ZNF329: variants seen among roughly 807,000 people sequenced by gnomAD.
The protein encoded by ZNF329 is zinc finger protein 329.
A neutral mutation model predicts 26.6 loss-of-function variants in ZNF329; 15 were observed. The observed-to-expected ratio is 0.56, with a 90% CI of 0.38 to 0.87. ZNF329 has a LOEUF of 0.87. Among genes scored for constraint, ZNF329 ranks in the 40% least tolerant of loss-of-function variants. The pLI is 0.00. For synonymous variants in ZNF329, 239 were observed against 233.5 expected, an observed-to-expected ratio of 1.02 and a Z score of -0.21; for missense variants, 651 against 651.9, an observed-to-expected ratio of 1.00 and a Z score of 0.02.
In ZNF329 at chr19:58,130,371, T is replaced by C. The variant is rs78795309; in HGVS notation, c.-8-860A>G. 3.3e-5 allele frequency among the ~76,000 whole-genome samples: 5 copies of C among 150,958 alleles called. No homozygotes were observed. In the East Asian group the frequency reaches 9.9e-4, roughly 30 times the overall value. On this transcript the variant is annotated intron_variant, in intron 3 of 3. Coordinates refer to ENST00000598312, the MANE Select transcript of ZNF329 (RefSeq NM_024620.4). ...TGTCAAAGACTGCCCTGCATGGTTGTTATAAAAACTGGATCATGTCGGCCA... is the reference window on the plus strand; with the variant it reads ...TGTCAAAGACTGCCCTGCATGGTTGCTATAAAAACTGGATCATGTCGGCCA...
rs769691352 is a variant in ZNF329 at position 58,128,632 on chromosome 19, T to A, written c.872A>T (p.Glu291Val). The A allele has an allele frequency of 2.1e-5, 34 of 1,607,214 alleles. No individual in the cohort carries two copies. Among genetic ancestry groups the A allele is most frequent in the Non-Finnish European group, 2.7e-5 (32 of 1,176,538 alleles). The change falls in exon 4 of 4, where the codon GAG (glutamate) becomes GTG (valine). Residue 291 changes from glutamate to valine, a missense_variant. Glu to Val is a moderately radical substitution (Grantham distance 121). Coordinates refer to ENST00000598312, the MANE Select transcript of ZNF329 (RefSeq NM_024620.4). ...HTGEKPYECL[E>V]CGKTFNRNSS... ...ATTTCGGTTGAAGGTTTTTCCACAC[T>A]CTAGGCATTCATAAGGTTTCTCGCC...
chr19:58,131,662 A>C (rs2074946873), intron 3 of ZNF329, among the ~76,000 whole-genome samples: 1 of 152,148 alleles, frequency 6.6e-6, no homozygotes, highest in South Asian at 2.1e-4. Flanking sequence ...CTTACAGAAC[A>C]GCACATAAAA....
At chr19:58,133,157 G>C (rs78272579) in intron 3 of ZNF329, among the ~76,000 whole-genome samples, 3,380 of 152,258 alleles carry the variant, frequency 0.022, 122 homozygotes, top group African/African-American at 0.077. Flanking sequence ...AACCACCAGT[G>C]AATGACGAAA....
chr19:58,138,049 T>A (rs2075111302), intron 3 of ZNF329, among the ~76,000 whole-genome samples: 1 of 152,204 alleles, frequency 6.6e-6, no homozygotes. Context: ...GACAGGGGTT[T>A]AACTAACAGT....
intron 3 of ZNF329, among the ~76,000 whole-genome samples, chr19:58,133,016 G>C (rs2074982722): frequency 6.6e-6 from 1 of 152,074 alleles, no homozygotes; most frequent in Non-Finnish European, 1.5e-5. Flanking sequence ...GTTTCACTAT[G>C]TTAGCCAGGA....
At chr19:58,131,666 C>T (rs2074946931) in intron 3 of ZNF329, among the ~76,000 whole-genome samples, 1 of 151,858 alleles carries the variant, frequency 6.6e-6, no homozygotes, top group South Asian at 2.1e-4. Context: ...CAGAACAGCA[C>T]ATAAAAAGAA....
At chr19:58,135,322 G>A (rs975713932) in intron 3 of ZNF329, among the ~76,000 whole-genome samples, 6 of 151,978 alleles carry the variant, frequency 3.9e-5, no homozygotes, top group Non-Finnish European at 5.9e-5. Flanking sequence ...CAAGGCTAGA[G>A]TGCAGTGGCA....
chr19:58,146,602 C>A (rs2075315382), intron 1 of ZNF329, among the ~76,000 whole-genome samples: 1 of 151,664 alleles, frequency 6.6e-6, no homozygotes, highest in Admixed American at 6.6e-5. Flanking sequence ...TGATGCCGAG[C>A]CGAAGCTGGA....
intron 3 of ZNF329, chr19:58,136,748 G>C (rs2075079203): frequency 6.8e-6 from 1 of 147,534 alleles, no homozygotes; most frequent in African/African-American, 2.5e-5. Context: ...TGAAGCTACA[G>C]ATGGCAGCAA....
At chr19:58,136,874 G>A (rs76729059) in intron 3 of ZNF329, 2,849 of 172,128 alleles carry the variant, frequency 0.017, 82 homozygotes, top group African/African-American at 0.063. Context: ...TGTGGGTAAC[G>A]CATGGTGCCC....
intron 3 of ZNF329, chr19:58,132,095 T>C (rs1277249981): frequency 6.6e-6 from 1 of 150,566 alleles, no homozygotes; most frequent in East Asian, 1.9e-4. Flanking sequence ...CATTCTATCA[T>C]TCAGGCAATT....
intron 3 of ZNF329, among the ~76,000 whole-genome samples, chr19:58,131,480 A>G (rs2074942470): frequency 6.6e-6 from 1 of 152,214 alleles, no homozygotes; most frequent in Non-Finnish European, 1.5e-5. Context: ...CAGCATTCAA[A>G]TTTTCCATCC....
rs1407274018 is a variant in ZNF329, at chr19:58,127,223, G to A, written c.*655C>T. ...ATTACACTTAAAAAAGGTTGATTCA[G>A]GCCAGGCAGTGTCTCATGCCTGTAA... On this transcript the variant is annotated 3_prime_UTR_variant, in exon 4 of 4. Coordinates refer to ENST00000598312, the MANE Select transcript of ZNF329 (RefSeq NM_024620.4). The A allele has an allele frequency of 6.6e-6, 1 of 152,168 alleles. No individual in the cohort carries two copies. Among genetic ancestry groups the A allele is most frequent in the Admixed American group, 6.5e-5 (1 of 15,276 alleles). 9.4% of individuals were successfully genotyped at this position (152,168 alleles called of 1,614,324 possible). A position where few individuals can be genotyped will look rare whatever the true frequency, so the allele number is the denominator to read the frequency against.
In ZNF329 at chr19:58,144,537, G is replaced by A. The variant is rs373595686; in HGVS notation, c.-207-1339C>T. On this transcript the variant is annotated intron_variant, in intron 1 of 3. Transcript: ENST00000598312. ...CGAGTAGTTGGGATTACAGGCACGC[G>A]TCACCACACTCGGCTAATTGTTTAT... 3.1e-4 allele frequency among the ~76,000 whole-genome samples: 47 copies of A among 151,790 alleles called. No individual in the cohort carries two copies. In the East Asian group the frequency reaches 3.7e-3, roughly 12 times the overall value.
chr19:58,136,699 A>T (rs905744138), intron 3 of ZNF329: 1 of 128,550 alleles, frequency 7.8e-6, no homozygotes, highest in Non-Finnish European at 1.8e-5. Flanking sequence ...AAAAAAAAAA[A>T]AAAAAAAAAG....
chr19:58,149,693 C>T (rs771702047), intron 1 of ZNF329, among the ~76,000 whole-genome samples: 39 of 152,086 alleles, frequency 2.6e-4, no homozygotes, highest in Non-Finnish European at 4.9e-4. Context: ...CTTCAACAAG[C>T]CCAAGTTCCT....
intron 3 of ZNF329, among the ~76,000 whole-genome samples, chr19:58,137,828 A>T (rs2075106506): frequency 1.3e-5 from 2 of 148,958 alleles, no homozygotes; most frequent in South Asian, 4.2e-4. Context: ...AAAAAAAAAA[A>T]AAAAGCCAGG....
chr19:58,148,670 T>C (rs540299900), intron 1 of ZNF329, among the ~76,000 whole-genome samples: 4 of 152,220 alleles, frequency 2.6e-5, no homozygotes, highest in African/African-American at 9.6e-5. Context: ...CTGGGCAACA[T>C]AGTGAGATCT....
At chr19:58,144,378 A>ATCTT (rs1330912507) in intron 1 of ZNF329, among the ~76,000 whole-genome samples, 1 of 70,884 alleles carries the variant, frequency 1.4e-5, no homozygotes, top group Admixed American at 1.7e-4. Flanking sequence ...CTATCTATCT[A>ATCTT]TCTATATATA....
Sources: allele counts gnomAD v4.1 joint callset (sites outside exome capture counted in the v4.1 genomes callset), GRCh38; gene constraint gnomAD v4.1.1; transcripts MANE v1.5; gene names NCBI Gene and HGNC (gene_info 2026-07-23, HGNC 2026-07-21).